ARL15: variants seen among roughly 807,000 people sequenced by gnomAD.
ARL15 encodes the protein ADP-ribosylation factor-like protein 15.
A neutral mutation model predicts 25.2 loss-of-function variants in ARL15; 19 were observed. The ratio of observed to expected loss-of-function variants is 0.75; its 90% CI spans 0.53 to 1.10. The LOEUF (loss-of-function observed/expected upper bound fraction) is 1.10, where lower values mean the gene tolerates loss of function less well. ARL15 is among the 50% of genes least tolerant of loss of function. ARL15 has a pLI of 0.00. For synonymous variants in ARL15, 94 were observed against 86.8 expected (o/e 1.08, Z -0.46); for missense variants, 220 against 246.0 (o/e 0.89, Z 0.71).
rs140781573 is a variant in ARL15 at position 54,254,609 on chromosome 5, G to C, written c.48+55823C>G. ...ACCCTCATGATGGTTTTATGAAAAGGGTCCTTTCAATTCCCTAGCACCTAG... is the reference window on the plus strand; with the variant it reads ...ACCCTCATGATGGTTTTATGAAAAGCGTCCTTTCAATTCCCTAGCACCTAG... On this transcript the variant is annotated intron_variant, in intron 1 of 4. Transcript: ENST00000504924. Among the ~76,000 whole-genome samples, 85 of 152,262 alleles carry C rather than the reference G, an allele frequency of 5.6e-4. 1 individual carries two copies. The highest frequency in any genetic ancestry group is 3.4e-3 in the Middle Eastern group (1 of 294).
intron 2 of ARL15, among the ~76,000 whole-genome samples, chr5:54,162,020 C>CAG (rs1488003575): frequency 7.3e-6 from 1 of 136,202 alleles, no homozygotes; most frequent in Non-Finnish European, 1.6e-5. Context: ...CACACACACA[C>CAG]ACACAGAGAG....
intron 1 of ARL15, among the ~76,000 whole-genome samples, chr5:54,265,013 C>A (rs571440749): frequency 3.3e-5 from 5 of 152,264 alleles, no homozygotes; most frequent in African/African-American, 7.2e-5. Context: ...AAGTACCATG[C>A]CATAGTTAAA....
rs1327769577 is a variant in ARL15 at position 53,884,395 on chromosome 5, G to A, written c.*2166C>T. On this transcript the variant is annotated 3_prime_UTR_variant, in exon 5 of 5. Transcript: ENST00000504924. ...ACCACCCACCCACCCATCCCCACCC[G>A]TTCAGGCCCCACCCCGCCCCCACGT... 1 of 10,870 alleles carries A rather than the reference G, an allele frequency of 9.2e-5. No homozygotes were observed. The highest frequency in any genetic ancestry group is 1.7e-4 in the Non-Finnish European group (1 of 5,908). The allele number at this position is 10,870 out of a possible 1,614,324, so 0.7% of individuals were successfully genotyped here.
intron 4 of ARL15, among the ~76,000 whole-genome samples, chr5:54,032,376 C>T (rs751385407): frequency 3.9e-5 from 6 of 151,970 alleles, no homozygotes; most frequent in East Asian, 3.9e-4. Context: ...TGGGATTACA[C>T]GCATCTGCTA....
intron 1 of ARL15, among the ~76,000 whole-genome samples, chr5:54,229,342 T>C (rs1033307981): frequency 6.6e-6 from 1 of 152,166 alleles, no homozygotes; most frequent in African/African-American, 2.4e-5. Context: ...AGTCAAAGTA[T>C]TGACTGAATG....
chr5:53,897,436 C>T (rs866436800), intron 4 of ARL15, among the ~76,000 whole-genome samples: 9 of 152,300 alleles, frequency 5.9e-5, no homozygotes, highest in South Asian at 4.1e-4. Flanking sequence ...TCCCTTTTTA[C>T]GGCTGAATAA....
chr5:54,230,979 AAT>A, intron 1 of ARL15, among the ~76,000 whole-genome samples: 1 of 152,272 alleles, frequency 6.6e-6, no homozygotes, highest in Middle Eastern at 3.4e-3. Flanking sequence ...GAATCTCACT[AAT>A]AGCATTTTTA....
At chr5:54,064,645 G>A (rs1484095414) in intron 4 of ARL15, among the ~76,000 whole-genome samples, 2 of 151,882 alleles carry the variant, frequency 1.3e-5, no homozygotes, top group Admixed American at 1.3e-4. Flanking sequence ...TGACCACTCT[G>A]TGCCTTAATT....
chr5:53,925,997 C>CTTTTTTTTTTTTTTTTTT, intron 4 of ARL15, among the ~76,000 whole-genome samples: 1 of 122,796 alleles, frequency 8.1e-6, no homozygotes, highest in Non-Finnish European at 1.7e-5. Context: ...TTTTTTCTTT[C>CTTTTTTTTTTTTTTTTTT]TTTTTTTTTT....
intron 4 of ARL15, among the ~76,000 whole-genome samples, chr5:53,990,392 G>A (rs928801032): frequency 2.6e-5 from 4 of 152,116 alleles, no homozygotes; most frequent in African/African-American, 7.2e-5. Flanking sequence ...TTTAGTTCAG[G>A]GAAAGCCAGG....
chr5:54,301,417 G>A (rs890077474), intron 1 of ARL15, among the ~76,000 whole-genome samples: 1 of 152,032 alleles, frequency 6.6e-6, no homozygotes, highest in Non-Finnish European at 1.5e-5. Flanking sequence ...CACTAACCTC[G>A]GGATAGTGGT....
chr5:54,072,174 T>G (rs756961716), intron 4 of ARL15, among the ~76,000 whole-genome samples: 24 of 152,116 alleles, frequency 1.6e-4, no homozygotes, highest in Non-Finnish European at 2.9e-4. Context: ...AAAATCATAC[T>G]GTGTACAAGA....
At chr5:54,150,942 C>T (rs2112338669) in intron 3 of ARL15, among the ~76,000 whole-genome samples, 1 of 151,544 alleles carries the variant, frequency 6.6e-6, no homozygotes, top group East Asian at 1.9e-4. Flanking sequence ...GGTGGGAGCA[C>T]TTCTCTTGTG....
rs535779023 is a variant in ARL15 at position 53,922,347 on chromosome 5, T to C, written c.463-35634A>G. Reference sequence around the variant, plus strand: ...TAGGACCAGGAGAAGAATCCAATAGTTCACCGTAAAAGGATCACTGTACCA... The same window carrying C: ...TAGGACCAGGAGAAGAATCCAATAGCTCACCGTAAAAGGATCACTGTACCA... On this transcript the variant is annotated intron_variant, in intron 4 of 4. Coordinates refer to ENST00000504924, the MANE Select transcript of ARL15 (RefSeq NM_019087.3). Among the ~76,000 whole-genome samples the C allele has an allele frequency of 3.9e-5, 6 of 152,334 alleles. No individual in the cohort carries two copies. In the South Asian group the frequency reaches 1.2e-3, roughly 32 times the overall value.
At chr5:54,195,360 A>G (rs1755521041) in intron 1 of ARL15, among the ~76,000 whole-genome samples, 1 of 152,294 alleles carries the variant, frequency 6.6e-6, no homozygotes, top group East Asian at 1.9e-4. Flanking sequence ...GCTCAGGAGA[A>G]TTTTAAAAGG....
chr5:54,093,681 C>T (rs995214636), intron 4 of ARL15, among the ~76,000 whole-genome samples: 2 of 128,334 alleles, frequency 1.6e-5, no homozygotes, highest in South Asian at 2.5e-4. Context: ...ATAATATAAA[C>T]ATTTAAAGTT....
intron 4 of ARL15, among the ~76,000 whole-genome samples, chr5:54,069,836 G>A (rs1751365613): frequency 6.6e-6 from 1 of 151,232 alleles, no homozygotes; most frequent in Non-Finnish European, 1.5e-5. Flanking sequence ...ACCACATCTA[G>A]CTAATTTTTT....
intron 1 of ARL15, among the ~76,000 whole-genome samples, chr5:54,219,428 G>T (rs1361102800): frequency 6.6e-6 from 1 of 152,148 alleles, no homozygotes; most frequent in African/African-American, 2.4e-5. Flanking sequence ...GGGACAGTGA[G>T]GTGTGCTATG....
At chr5:53,923,246 A>G (rs1160683310) in intron 4 of ARL15, among the ~76,000 whole-genome samples, 1 of 152,134 alleles carries the variant, frequency 6.6e-6, no homozygotes, top group African/African-American at 2.4e-5. Context: ...ATCACCTCCC[A>G]CACCAGAAAC....
Sources: allele counts gnomAD v4.1 joint callset (sites outside exome capture counted in the v4.1 genomes callset), GRCh38; gene constraint gnomAD v4.1.1; transcripts MANE v1.5; gene names NCBI Gene and HGNC (gene_info 2026-07-23, HGNC 2026-07-21).